Variants in MAML2 observed in about 807,000 individuals in gnomAD.
MAML2 encodes mastermind like transcriptional coactivator 2.
A neutral mutation model predicts 96.1 loss-of-function variants in MAML2; 22 were observed. The ratio of observed to expected loss-of-function variants is 0.23; its 90% CI spans 0.16 to 0.33. The LOEUF is 0.33. Ranked by LOEUF, MAML2 falls within the 10% of genes least tolerant of loss-of-function variation. The pLI, the probability that MAML2 is intolerant of heterozygous loss-of-function variation, is 1.00. For synonymous variants in MAML2, 561 were observed against 521.3 expected (o/e 1.08, Z -1.04); for missense variants, 1,367 against 1,392.4 (o/e 0.98, Z 0.29).
intron 1 of MAML2, among the ~76,000 whole-genome samples, chr11:96,216,765 A>G (rs978899632): frequency 1.3e-5 from 2 of 152,206 alleles, no homozygotes; most frequent in Non-Finnish European, 2.9e-5. Context: ...AGCCAACGTA[A>G]TGTGTTTTCT....
chr11:96,185,616 C>T (rs1861562809), intron 1 of MAML2, among the ~76,000 whole-genome samples: 2 of 152,228 alleles, frequency 1.3e-5, no homozygotes, highest in Admixed American at 1.3e-4. Flanking sequence ...CACCTGGGAA[C>T]TTGCAAGAAA....
At chr11:96,178,538 C>G (rs1185367519) in intron 1 of MAML2, among the ~76,000 whole-genome samples, 6 of 152,148 alleles carry the variant, frequency 3.9e-5, no homozygotes, top group African/African-American at 7.2e-5. Flanking sequence ...TGGCATATGT[C>G]AGGAAATGGC....
chr11:96,288,671 C>T (rs1445246596), intron 1 of MAML2, among the ~76,000 whole-genome samples: 1 of 152,072 alleles, frequency 6.6e-6, no homozygotes, highest in African/African-American at 2.4e-5. Flanking sequence ...AATTCTGACT[C>T]TTCATTAGCC....
rs541279428 is a variant in MAML2, at chr11:96,179,021, C to T, written c.514-85504G>A. Among the ~76,000 whole-genome samples, 5 of 152,260 alleles carry T rather than the reference C, an allele frequency of 3.3e-5. No homozygotes were observed. In the East Asian group the frequency reaches 5.8e-4, roughly 18 times the overall value. On this transcript the variant is annotated intron_variant, in intron 1 of 4. Coordinates refer to ENST00000524717, the MANE Select transcript of MAML2 (RefSeq NM_032427.4). Reference sequence around the variant, plus strand: ...GTACACGTGCCTGAATTTGATTAGACGGCATCCCGAGAAAGGGTTCATCTG... The same window carrying T: ...GTACACGTGCCTGAATTTGATTAGATGGCATCCCGAGAAAGGGTTCATCTG...
intron 1 of MAML2, among the ~76,000 whole-genome samples, chr11:96,207,642 C>T (rs1212684428): frequency 6.6e-6 from 1 of 152,228 alleles, no homozygotes; most frequent in Admixed American, 6.5e-5. Context: ...GAGGTGAAAT[C>T]CACTTTACCG....
At chr11:95,991,934 G>A (rs969008624) in intron 2 of MAML2, among the ~76,000 whole-genome samples, 25 of 152,106 alleles carry the variant, frequency 1.6e-4, no homozygotes, top group African/African-American at 6.0e-4. Flanking sequence ...ATGACATTAG[G>A]GCACTGGAAA....
intron 1 of MAML2, among the ~76,000 whole-genome samples, chr11:96,305,765 A>T (rs1012801515): frequency 1.3e-5 from 2 of 152,210 alleles, no homozygotes; most frequent in South Asian, 2.1e-4. Context: ...AGAACTTAGA[A>T]GTACGGTAAC....
chr11:96,112,162 G>A (rs572690910), intron 1 of MAML2, among the ~76,000 whole-genome samples: 14 of 152,310 alleles, frequency 9.2e-5, no homozygotes, highest in South Asian at 6.2e-4. Context: ...TGCTTCCATC[G>A]GATAGGGCAC....
Position 96,309,325 on chromosome 11 carries a change from C to T in MAML2, c.513+32058G>A, listed in dbSNP as rs141072329. Among the ~76,000 whole-genome samples, 586 of 152,242 alleles carry T rather than the reference C, an allele frequency of 3.8e-3. 9 individuals are homozygous for T. Among genetic ancestry groups the T allele is most frequent in the Admixed American group, 0.034 (512 of 15,282 alleles). On this transcript the variant is annotated intron_variant, in intron 1 of 4. Coordinates refer to ENST00000524717, the MANE Select transcript of MAML2 (RefSeq NM_032427.4). ...ATAGTTGTGATTTAGTAGAAGGATTCGAATAACTGCATAATTTGTTTACCA... is the reference window on the plus strand; with the variant it reads ...ATAGTTGTGATTTAGTAGAAGGATTTGAATAACTGCATAATTTGTTTACCA...
rs116015462 is a variant in MAML2, at chr11:96,172,268, C to A, written c.514-78751G>T. ...AGTAGTATTTCTAATTAACCCTCAA[C>A]AAGGTAGCTTATGGCTCATCAGCAA... On this transcript the variant is annotated intron_variant, in intron 1 of 4. Transcript: ENST00000524717. 1.4e-3 allele frequency among the ~76,000 whole-genome samples: 212 copies of A among 152,336 alleles called. 4 individuals are homozygous for A. The highest frequency in any genetic ancestry group is 4.9e-3 in the African/African-American group (204 of 41,580).
intron 1 of MAML2, among the ~76,000 whole-genome samples, chr11:96,165,195 T>A (rs964678405): frequency 6.6e-6 from 1 of 152,220 alleles, no homozygotes; most frequent in African/African-American, 2.4e-5. Context: ...CACGTTGCAA[T>A]TTATTAAGAA....
intron 1 of MAML2, among the ~76,000 whole-genome samples, chr11:96,129,651 G>A (rs11603362): frequency 0.093 from 14,128 of 152,142 alleles, 894 homozygotes; most frequent in Non-Finnish European, 0.14. Flanking sequence ...TTAGATTCAG[G>A]TGGTACATGT....
intron 2 of MAML2, among the ~76,000 whole-genome samples, chr11:96,028,080 T>A (rs1858552745): frequency 6.6e-6 from 1 of 152,224 alleles, no homozygotes; most frequent in Non-Finnish European, 1.5e-5. Flanking sequence ...GTCCCAATAA[T>A]GTCTAGTTGT....
chr11:96,138,862 A>G (rs1276997745), intron 1 of MAML2, among the ~76,000 whole-genome samples: 1 of 152,174 alleles, frequency 6.6e-6, no homozygotes, highest in African/African-American at 2.4e-5. Context: ...TTACTTTTAT[A>G]TAGACCAGTT....
rs1857689611 is a variant in MAML2 at position 95,978,999 on chromosome 11, A to G, written c.3420T>C (p.Asp1140=). ...DSLLKTEPGN[D]DWMKDINLDE... is the part of the protein sequence containing the mutation. ...CAAGATTGATGTCTTTCATCCAGTCATCATTACCAGGCTCTGTCTTCAATA... is the reference window on the plus strand; with the variant it reads ...CAAGATTGATGTCTTTCATCCAGTCGTCATTACCAGGCTCTGTCTTCAATA... Residue 1140 remains aspartate (D), a synonymous_variant, in exon 5 of 5, where the codon GAT becomes GAC. Coordinates refer to ENST00000524717, the MANE Select transcript of MAML2 (RefSeq NM_032427.4). 1 of 1,613,666 alleles carries G rather than the reference A, an allele frequency of 6.2e-7. No homozygotes were observed. The highest frequency in any genetic ancestry group is 1.1e-5 in the South Asian group (1 of 90,990).
intron 1 of MAML2, among the ~76,000 whole-genome samples, chr11:96,301,865 G>A (rs974131167): frequency 1.3e-4 from 20 of 152,236 alleles, no homozygotes; most frequent in South Asian, 2.1e-4. Context: ...TAATTCACAC[G>A]TTTTATAATT....
chr11:96,043,128 C>T (rs1858843415), intron 2 of MAML2, among the ~76,000 whole-genome samples: 1 of 152,192 alleles, frequency 6.6e-6, no homozygotes, highest in African/African-American at 2.4e-5. Context: ...CCATCTTTAT[C>T]TTAGATCAGC....
intron 1 of MAML2, among the ~76,000 whole-genome samples, chr11:96,118,090 C>G (rs2135841012): frequency 6.6e-6 from 1 of 152,274 alleles, no homozygotes; most frequent in East Asian, 1.9e-4. Context: ...TTTCAGTGTT[C>G]AGGAAGCACA....
In MAML2 at chr11:96,009,591, T is replaced by G. The variant is rs558226130; in HGVS notation, c.2140-17868A>C. ...CAAATCTAACATTAGTAGAACCAAC[T>G]GTGTACTTACTACTCTACTGCACTG... On this transcript the variant is annotated intron_variant, in intron 2 of 4. Coordinates refer to ENST00000524717, the MANE Select transcript of MAML2 (RefSeq NM_032427.4). Among the ~76,000 whole-genome samples the G allele has an allele frequency of 2.0e-5, 3 of 152,314 alleles. No homozygotes were observed. The East Asian group carries it at 5.8e-4, about 29-fold the overall frequency.
Sources: allele counts gnomAD v4.1 joint callset (sites outside exome capture counted in the v4.1 genomes callset), GRCh38; gene constraint gnomAD v4.1.1; transcripts MANE v1.5; gene names NCBI Gene and HGNC (gene_info 2026-07-23, HGNC 2026-07-21).